Variants in MPC1 observed in about 807,000 individuals in gnomAD.
The protein encoded by MPC1 is HSPC040 protein.
A neutral mutation model predicts 13.9 loss-of-function variants in MPC1; 6 were observed. The observed-to-expected ratio is 0.43, with a 90% CI of 0.24 to 0.85. The LOEUF (loss-of-function observed/expected upper bound fraction) is 0.85, where lower values mean the gene tolerates loss of function less well. Among genes scored for constraint, MPC1 ranks in the 40% least tolerant of loss-of-function variants. The pLI, the probability that MPC1 is intolerant of heterozygous loss-of-function variation, is 0.24. For missense variants in MPC1, 115 were observed against 143.3 expected (o/e 0.80, Z 1.01); for synonymous variants, 47 against 50.5 (o/e 0.93, Z 0.29).
intron 3 of MPC1, 56 bp from the exon 4 acceptor site, chr6:166,366,162 A>AT: frequency 6.3e-7 from 1 of 1,583,592 alleles, no homozygotes; most frequent in Non-Finnish European, 8.6e-7. Context: ...GAGAGGGTTG[A>AT]TAGGACCACA....
At chr6:166,374,282 C>T (rs988613827) in intron 1 of MPC1, among the ~76,000 whole-genome samples, 5 of 152,152 alleles carry the variant, frequency 3.3e-5, no homozygotes, top group African/African-American at 4.8e-5. Flanking sequence ...AGTGAGCCAC[C>T]GCGCCTGGCC....
chr6:166,377,541 T>C (rs1356486871), intron 1 of MPC1, among the ~76,000 whole-genome samples: 1 of 152,254 alleles, frequency 6.6e-6, no homozygotes, highest in Non-Finnish European at 1.5e-5. Context: ...ACTTATGTAG[T>C]ACTAAAAGGA....
At chr6:166,367,889 A>G (rs1005447774) in intron 2 of MPC1, among the ~76,000 whole-genome samples, 4 of 152,240 alleles carry the variant, frequency 2.6e-5, no homozygotes, top group Admixed American at 2.0e-4. Context: ...AGATTCCCTA[A>G]AAAGTGGTAA....
At chr6:166,381,407 C>CT (rs765235506) in intron 1 of MPC1, among the ~76,000 whole-genome samples, 2 of 152,054 alleles carry the variant, frequency 1.3e-5, no homozygotes, top group African/African-American at 4.8e-5. Flanking sequence ...GGATTTAAAA[C>CT]TTTTTTATTG....
intron 1 of MPC1, among the ~76,000 whole-genome samples, chr6:166,379,434 C>T (rs1229279607): frequency 1.3e-5 from 2 of 152,176 alleles, no homozygotes; most frequent in Non-Finnish European, 2.9e-5. Context: ...TGGGAGGTTA[C>T]AGTGAGCTAT....
At position 166,382,867 on chromosome 6, in the gene MPC1, C is replaced by A; in HGVS notation, c.10G>T (p.Ala4Ser). ...TAGTCCGCCGCTTTCCGCACCAACGCGCCCGCCATGGCTGTGCCGACACCA... is the reference window on the plus strand; with the variant it reads ...TAGTCCGCCGCTTTCCGCACCAACGAGCCCGCCATGGCTGTGCCGACACCA... MAG[A>S]LVRKAADYVR... is the part of the protein sequence containing the mutation. The change falls in exon 1 of 5, where the codon GCG (alanine) becomes TCG (serine). Residue 4 changes from alanine to serine, a missense_variant. By Grantham distance (99) the Ala-to-Ser change is moderately conservative. This residue lies in a region of MPC1 where 41 missense variants were observed against 34.2 expected (regional missense o/e 1.20). Transcript: ENST00000360961. The A allele has an allele frequency of 6.3e-7, 1 of 1,593,866 alleles. No homozygotes were observed. Among genetic ancestry groups the A allele is most frequent in the Non-Finnish European group, 8.5e-7 (1 of 1,172,274 alleles).
At chr6:166,371,879 A>C (rs910112037) in intron 1 of MPC1, among the ~76,000 whole-genome samples, 2 of 152,238 alleles carry the variant, frequency 1.3e-5, no homozygotes, top group Admixed American at 1.3e-4. Flanking sequence ...GAATGTGGTT[A>C]CTCTCTCTTT....
chr6:166,375,210 G>T (rs905269897), intron 1 of MPC1, among the ~76,000 whole-genome samples: 4 of 152,192 alleles, frequency 2.6e-5, no homozygotes, highest in Non-Finnish European at 5.9e-5. Flanking sequence ...TACAGATGGT[G>T]GATGAAGGGA....
chr6:166,366,217 G>A (rs1038334132), intron 3 of MPC1, 111 bp from the exon 4 acceptor site: 5 of 1,250,066 alleles, frequency 4.0e-6, no homozygotes, highest in Non-Finnish European at 4.2e-6. Flanking sequence ...AACCTCTTCT[G>A]CGAAAGCCTT....
chr6:166,370,384 T>C (rs548997671), intron 1 of MPC1, 163 bp from the exon 2 acceptor site: 41 of 560,356 alleles, frequency 7.3e-5, no homozygotes, highest in African/African-American at 6.0e-4. Flanking sequence ...TTTTATTATT[T>C]TTAAAAGATC....
chr6:166,382,149 G>A (rs904245525), intron 1 of MPC1, among the ~76,000 whole-genome samples: 6 of 152,160 alleles, frequency 3.9e-5, no homozygotes, highest in African/African-American at 4.8e-5. Context: ...CCGGAGGGAC[G>A]TGCCCACTGC....
At chr6:166,374,867 G>C (rs2114965936) in intron 1 of MPC1, among the ~76,000 whole-genome samples, 1 of 152,258 alleles carries the variant, frequency 6.6e-6, no homozygotes, top group South Asian at 2.1e-4. Flanking sequence ...TTGAAAGTTA[G>C]GTAATGTCAG....
intron 1 of MPC1, among the ~76,000 whole-genome samples, chr6:166,377,905 C>T (rs886307957): frequency 3.3e-5 from 5 of 152,114 alleles, no homozygotes; most frequent in Non-Finnish European, 5.9e-5. Context: ...GTCCAAGGAC[C>T]GGGTGTGAAA....
At chr6:166,377,944 A>G (rs953012912) in intron 1 of MPC1, among the ~76,000 whole-genome samples, 2 of 152,272 alleles carry the variant, frequency 1.3e-5, no homozygotes, top group Non-Finnish European at 2.9e-5. Flanking sequence ...AGGGAGACAT[A>G]TGCAGGAAAA....
intron 1 of MPC1, among the ~76,000 whole-genome samples, chr6:166,373,839 A>G (rs1460879155): frequency 6.6e-6 from 1 of 151,072 alleles, no homozygotes; most frequent in East Asian, 2.0e-4. Flanking sequence ...ATGACATACG[A>G]TGTAGAACAG....
chr6:166,366,300 G>A (rs530686143), intron 3 of MPC1, among the ~76,000 whole-genome samples, 194 bp from the exon 4 acceptor site: 28 of 152,298 alleles, frequency 1.8e-4, no homozygotes, highest in Non-Finnish European at 3.1e-4. Flanking sequence ...GTACTGCTAT[G>A]CATTTTTGTT....
At position 166,365,885 on chromosome 6, in the gene MPC1, G is replaced by A. The variant is rs200175207; in HGVS notation, c.305+89C>T. ...GCGCATCTATACACACTCCAGTCCC[G>A]CAGCACTCCCTCAGAAAAGATTTTA... On this transcript the variant is annotated intron_variant, in intron 4 of 4. Transcript: ENST00000360961. This position sits in a 1 kb window ranked among gnomAD's most constrained non-coding sequence, Gnocchi z 4.2. 175 of 1,530,694 alleles carry A rather than the reference G, an allele frequency of 1.1e-4. 1 individual carries two copies. The East Asian group carries it at 3.8e-3, about 33-fold the overall frequency. The allele number at this position is 1,530,694 out of a possible 1,614,324, so 94.8% of individuals were successfully genotyped here.
intron 1 of MPC1, among the ~76,000 whole-genome samples, chr6:166,380,176 C>T (rs957674531): frequency 5.9e-5 from 9 of 152,174 alleles, no homozygotes; most frequent in African/African-American, 2.2e-4. Flanking sequence ...AAAATGTTTT[C>T]GCTTGCAAAA....
intron 1 of MPC1, among the ~76,000 whole-genome samples, chr6:166,373,100 C>T (rs114023131): frequency 0.011 from 1,707 of 152,298 alleles, 29 homozygotes; most frequent in African/African-American, 0.039. Context: ...CCATTATCTA[C>T]ATCCCCCGCC....
Sources: gnomAD v4.1 joint callset for allele counts (sites outside exome capture counted in the v4.1 genomes callset) on GRCh38, gnomAD v4.1.1 for gene constraint, gnomAD v4.1.1 regional missense constraint, Gnocchi (gnomAD v3.1) non-coding constraint, MANE v1.5 for transcripts, NCBI Gene and HGNC (gene_info 2026-07-23, HGNC 2026-07-21) for gene names.